LYPLAL1: variants seen among roughly 807,000 people sequenced by gnomAD.
The protein encoded by LYPLAL1 is lysophospholipase like 1.
A neutral mutation model predicts 19.7 loss-of-function variants in LYPLAL1; 23 were observed. The ratio of observed to expected loss-of-function variants is 1.17; its 90% CI spans 0.84 to 1.65. The LOEUF (loss-of-function observed/expected upper bound fraction) is 1.65. LYPLAL1 is among the 40% of genes most tolerant of loss of function. The probability of loss-of-function intolerance (pLI) is 0.00; values close to 1 mark genes in which losing one functional copy is unlikely to be tolerated. For synonymous variants in LYPLAL1, 119 were observed against 96.3 expected, an observed-to-expected ratio of 1.24 and a Z score of -1.38; for missense variants, 355 against 279.4, an observed-to-expected ratio of 1.27 and a Z score of -1.93.
At chr1:219,269,502 G>A in the LYPLAL1 span, among the ~76,000 whole-genome samples, 3 of 152,246 alleles carry the variant, frequency 2.0e-5, no homozygotes, top group East Asian at 5.8e-4. Flanking sequence ...TAAATAGGCA[G>A]GGACCAAAAA....
the LYPLAL1 span, among the ~76,000 whole-genome samples, chr1:219,328,961 T>A: frequency 6.6e-6 from 1 of 152,194 alleles, no homozygotes; most frequent in African/African-American, 2.4e-5. Context: ...GAATTTATTT[T>A]ATTTCTTATA....
At chr1:219,236,474 G>A in the LYPLAL1 span, among the ~76,000 whole-genome samples, 2 of 152,088 alleles carry the variant, frequency 1.3e-5, no homozygotes, top group African/African-American at 4.8e-5. Context: ...TCATATATTC[G>A]TTTTTACTTT....
At chr1:219,351,485 A>C in the LYPLAL1 span, among the ~76,000 whole-genome samples, 3 of 152,156 alleles carry the variant, frequency 2.0e-5, no homozygotes, top group African/African-American at 7.2e-5. Flanking sequence ...TCTAGCATTA[A>C]AATAGCAGGG....
the LYPLAL1 span, among the ~76,000 whole-genome samples, chr1:219,275,063 G>T: frequency 2.6e-5 from 4 of 152,136 alleles, no homozygotes; most frequent in African/African-American, 7.2e-5. Flanking sequence ...CTCAAATATG[G>T]TTTTCAACAT....
the LYPLAL1 span, among the ~76,000 whole-genome samples, chr1:219,323,302 A>G: frequency 6.6e-6 from 1 of 152,200 alleles, no homozygotes. Flanking sequence ...GAAGAGGAAG[A>G]AAAATGAGAG....
At chr1:219,308,144 G>T in the LYPLAL1 span, among the ~76,000 whole-genome samples, 1 of 152,156 alleles carries the variant, frequency 6.6e-6, no homozygotes, top group Non-Finnish European at 1.5e-5. Context: ...TGAAGAGACT[G>T]GTGGCATTTG....
the LYPLAL1 span, among the ~76,000 whole-genome samples, chr1:219,319,846 T>C: frequency 6.6e-6 from 1 of 152,182 alleles, no homozygotes; most frequent in Non-Finnish European, 1.5e-5. Flanking sequence ...AAAGGGAAGA[T>C]ACCAAGTCCC....
chr1:219,388,691 G>T, the LYPLAL1 span, among the ~76,000 whole-genome samples: 1 of 152,186 alleles, frequency 6.6e-6, no homozygotes, highest in Admixed American at 6.5e-5. Flanking sequence ...TGGAACATAA[G>T]ATCATAAATA....
chr1:219,305,890 T>C, the LYPLAL1 span, among the ~76,000 whole-genome samples: 337 of 152,308 alleles, frequency 2.2e-3, 4 homozygotes, highest in African/African-American at 7.2e-3. Context: ...CTACAATACT[T>C]CCATTTTGTT....
chr1:219,292,263 T>C, the LYPLAL1 span, among the ~76,000 whole-genome samples: 5 of 152,176 alleles, frequency 3.3e-5, no homozygotes, highest in Non-Finnish European at 4.4e-5. Context: ...GACTCGAATT[T>C]GGTTCCCAGC....
At chr1:219,401,975 T>A in the LYPLAL1 span, among the ~76,000 whole-genome samples, 1 of 152,168 alleles carries the variant, frequency 6.6e-6, no homozygotes, top group African/African-American at 2.4e-5. Context: ...TATAAGTATG[T>A]TGCCCTAGAA....
At chr1:219,314,312 C>A in the LYPLAL1 span, among the ~76,000 whole-genome samples, 1 of 152,154 alleles carries the variant, frequency 6.6e-6, no homozygotes, top group South Asian at 2.1e-4. Flanking sequence ...TATTGTAGAA[C>A]AATTTATATT....
the LYPLAL1 span, among the ~76,000 whole-genome samples, chr1:219,422,280 T>C: frequency 6.6e-6 from 1 of 152,232 alleles, no homozygotes; most frequent in Non-Finnish European, 1.5e-5. Context: ...TGTGTTCCAA[T>C]AAAACTTTAT....
At chr1:219,412,220 A>G in the LYPLAL1 span, among the ~76,000 whole-genome samples, 2 of 151,942 alleles carry the variant, frequency 1.3e-5, no homozygotes, top group African/African-American at 2.4e-5. Flanking sequence ...TAGAGACTCA[A>G]TCTCACTGTG....
chr1:219,424,432 C>T, the LYPLAL1 span, among the ~76,000 whole-genome samples: 1 of 152,208 alleles, frequency 6.6e-6, no homozygotes, highest in Non-Finnish European at 1.5e-5. Context: ...AAAACCACAT[C>T]ACATTAGCTA....
chr1:219,422,593 C>T, the LYPLAL1 span, among the ~76,000 whole-genome samples: 8 of 151,914 alleles, frequency 5.3e-5, no homozygotes, highest in Non-Finnish European at 1.0e-4. Flanking sequence ...TAGCTTGAGC[C>T]CAACCATTAT....
chr1:219,386,812 C>T, the LYPLAL1 span, among the ~76,000 whole-genome samples: 3 of 152,124 alleles, frequency 2.0e-5, no homozygotes, highest in Non-Finnish European at 2.9e-5. Flanking sequence ...GAATTTTCCT[C>T]CTTCTTGGGA....
the LYPLAL1 span, among the ~76,000 whole-genome samples, chr1:219,261,646 A>G: frequency 6.6e-6 from 1 of 152,198 alleles, no homozygotes; most frequent in African/African-American, 2.4e-5. Context: ...CTGGATACAA[A>G]AATCTTGGCT....
At chr1:219,199,155 T>C (rs189842235) in intron 3 of LYPLAL1, among the ~76,000 whole-genome samples, 91 of 152,306 alleles carry the variant, frequency 6.0e-4, no homozygotes, top group South Asian at 1.7e-3. Flanking sequence ...GGTACTAATA[T>C]ATGTATGTGA....
Sources: allele counts gnomAD v4.1 joint callset (sites outside exome capture counted in the v4.1 genomes callset), GRCh38; gene constraint gnomAD v4.1.1; transcripts MANE v1.5; gene names NCBI Gene and HGNC (gene_info 2026-07-23, HGNC 2026-07-21).